Variants in APOL5 observed in about 807,000 individuals in gnomAD.
The protein encoded by APOL5 is apolipoprotein L, 5.
A neutral mutation model predicts 35.5 loss-of-function variants in APOL5; 29 were observed. That is an observed-to-expected ratio of 0.82 (90% CI 0.61 to 1.11). APOL5 has a LOEUF of 1.11. Among genes scored for constraint, APOL5 ranks in the 50% most tolerant of loss-of-function variants. APOL5 has a pLI of 0.00. For synonymous variants in APOL5, 188 were observed against 200.2 expected, an observed-to-expected ratio of 0.94 and a Z score of 0.51; for missense variants, 514 against 530.4, an observed-to-expected ratio of 0.97 and a Z score of 0.30.
In APOL5 at chr22:35,727,100, C is replaced by T; in HGVS notation, c.1032C>T (p.Thr344=). 2 of 1,611,132 alleles carry T rather than the reference C, an allele frequency of 1.2e-6. No individual in the cohort carries two copies. The highest frequency in any genetic ancestry group is 1.7e-6 in the Non-Finnish European group (2 of 1,179,994). The change falls in exon 3 of 5, where the codon ACC becomes ACT. Residue 344 remains threonine, a synonymous_variant. Transcript: ENST00000249044. ...KKLEQELDRL[T]QHHRHLPQKA... ...TGGAGCAGGAGCTGGACCGGCTCAC[C>T]CAGCACCACCGGCACCTGCCGCAGA... is the stretch of plus-strand genomic sequence containing the variant.
the APOL5 span, among the ~76,000 whole-genome samples, chr22:35,708,995 C>T: frequency 6.6e-6 from 1 of 152,250 alleles, no homozygotes; most frequent in Non-Finnish European, 1.5e-5. Flanking sequence ...AACACAAATG[C>T]GCTTCCCTTA....
upstream of APOL5, among the ~76,000 whole-genome samples, chr22:35,717,290 G>A (rs1464130310): frequency 3.6e-5 from 5 of 139,632 alleles, no homozygotes; most frequent in Admixed American, 2.2e-4. Context: ...TGTAGTCCCC[G>A]CCACTTGGGG....
intron 4 of APOL5, 103 bp downstream of exon 4, chr22:35,729,007 G>T: frequency 7.8e-7 from 1 of 1,280,586 alleles, no homozygotes; most frequent in Non-Finnish European, 1.0e-6. Context: ...AGGGCCTAAC[G>T]GGGACAGAGG....
At chr22:35,713,409 TG>T (rs900755770), upstream of APOL5, among the ~76,000 whole-genome samples, 5 of 152,200 alleles carry the variant, frequency 3.3e-5, no homozygotes, top group African/African-American at 1.2e-4. Context: ...ACCCTCTCTC[TG>T]GGGTAGCTTC....
intron 2 of APOL5, among the ~76,000 whole-genome samples, chr22:35,721,368 C>T (rs905555470): frequency 4.6e-5 from 7 of 151,926 alleles, no homozygotes; most frequent in East Asian, 1.9e-4. Flanking sequence ...CATGGTGAAA[C>T]GTCATTTCCA....
chr22:35,728,587 C>T (rs897371644), intron 3 of APOL5, 136 bp from the exon 4 acceptor site: 3 of 988,282 alleles, frequency 3.0e-6, no homozygotes, highest in Admixed American at 6.4e-5. Context: ...GGACCCACTG[C>T]CCTGGGGCGG....
At chr22:35,719,379 G>C (rs560375851) in intron 1 of APOL5, among the ~76,000 whole-genome samples, 1 of 152,118 alleles carries the variant, frequency 6.6e-6, no homozygotes, top group South Asian at 2.1e-4. Context: ...CCACCATCCC[G>C]CCCACGAGCC....
At chr22:35,726,156 C>G (rs754683699) in intron 2 of APOL5, 55 bp from the exon 3 acceptor site, 28 of 1,558,590 alleles carry the variant, frequency 1.8e-5, no homozygotes, top group Non-Finnish European at 2.3e-5. Context: ...CCTCGATTCT[C>G]AGGGCTCTGC....
chr22:35,727,156 G>C lies in APOL5; in HGVS notation c.1088G>C (p.Gly363Ala), dbSNP rs1318414467. Residue 363 changes from glycine (G) to alanine (A), a missense_variant, in exon 3 of 5, where the codon GGC becomes GCC. Physicochemically the swap from Gly to Ala is moderately conservative, Grantham distance 60 (BLOSUM62 0). Around this residue, in one of 3 missense-constraint regions of APOL5, gnomAD observed 238 missense variants for 229.1 expected, o/e 1.04. Transcript: ENST00000249044. ...KASQTCSSSRGRAVRGSRVVK... is the reference protein window; with the variant it reads ...KASQTCSSSRARAVRGSRVVK... Reference sequence around the variant, plus strand: ...AGCCAGACCTGTTCCAGCTCCCGGGGCAGGGCTGTTCGAGGATCCCGTGTG... The same window carrying C: ...AGCCAGACCTGTTCCAGCTCCCGGGCCAGGGCTGTTCGAGGATCCCGTGTG... 1.9e-6 allele frequency: 3 copies of C among 1,606,444 alleles called. No individual in the cohort carries two copies. Among genetic ancestry groups the C allele is most frequent in the Non-Finnish European group, 2.5e-6 (3 of 1,179,694 alleles).
upstream of APOL5, among the ~76,000 whole-genome samples, chr22:35,714,015 T>C (rs898123540): frequency 3.3e-5 from 5 of 152,114 alleles, no homozygotes; most frequent in African/African-American, 1.2e-4. Context: ...CAAGTCAGAA[T>C]ACAACATCTG....
upstream of APOL5, among the ~76,000 whole-genome samples, chr22:35,717,254 A>ATATG (rs1926784692): frequency 7.5e-6 from 1 of 133,902 alleles, no homozygotes. Flanking sequence ...ATATATATAT[A>ATATG]TTAGCTGGGT....
upstream of APOL5, among the ~76,000 whole-genome samples, chr22:35,716,847 A>G (rs1458432861): frequency 2.0e-5 from 3 of 152,158 alleles, no homozygotes; most frequent in African/African-American, 7.2e-5. Flanking sequence ...TTGTACATAG[A>G]TTTGCCTCGT....
chr22:35,726,161 C>T lies in APOL5; in HGVS notation c.143-50C>T, dbSNP rs746386050. The T allele has an allele frequency of 3.8e-6, 6 of 1,569,090 alleles. 1 individual carries two copies. The South Asian group carries it at 7.1e-5, about 18-fold the overall frequency. On this transcript the variant is annotated intron_variant, in intron 2 of 4. Coordinates refer to ENST00000249044, the MANE Select transcript of APOL5 (RefSeq NM_030642.1). ...CGACATTGTACCTCGATTCTCAGGG[C>T]TCTGCCTCCTGCACACATTTTAGTG...
chr22:35,708,427 G>GA, the APOL5 span, among the ~76,000 whole-genome samples: 101 of 129,106 alleles, frequency 7.8e-4, no homozygotes, highest in African/African-American at 8.3e-4. Flanking sequence ...TCAAAAAAAA[G>GA]AAAAAAAAAA....
chr22:35,715,615 G>A (rs955900762), upstream of APOL5, among the ~76,000 whole-genome samples: 5 of 152,232 alleles, frequency 3.3e-5, no homozygotes, highest in African/African-American at 1.2e-4. Context: ...CTGCACTCCA[G>A]CCTGAGCCAC....
intron 2 of APOL5, among the ~76,000 whole-genome samples, chr22:35,722,503 G>A (rs897256868): frequency 4.6e-5 from 7 of 152,174 alleles, no homozygotes; most frequent in East Asian, 1.9e-4. Flanking sequence ...GTTTCACCAC[G>A]TTGGCCAGGC....
chr22:35,715,507 G>C (rs191212485), upstream of APOL5, among the ~76,000 whole-genome samples: 1 of 152,232 alleles, frequency 6.6e-6, no homozygotes, highest in Admixed American at 6.5e-5. Flanking sequence ...TTAGCTGGGC[G>C]TGGTGGTGCA....
the APOL5 span, among the ~76,000 whole-genome samples, chr22:35,709,347 G>C: frequency 6.7e-6 from 1 of 149,072 alleles, no homozygotes; most frequent in East Asian, 2.1e-4. Context: ...TCATACTAAG[G>C]TATAAAACAC....
chr22:35,720,631 G>A lies in APOL5; in HGVS notation c.119G>A (p.Gly40Glu). Residue 40 changes from glycine to glutamate, a missense_variant, in exon 2 of 5, where the codon GGG (glycine) becomes GAG (glutamate). This residue lies in a region of APOL5 where 254 missense variants were observed against 254.7 expected (regional missense o/e 1.00). Coordinates refer to ENST00000249044, the MANE Select transcript of APOL5 (RefSeq NM_030642.1). ...GTAATCTACGGAGGTGAGGTCTGGG[G>A]GAAGTCCCCAGAACCTGAGTTCCGT... ...RKVIYGGEVW[G>E]KSPEPEFPSL... 1.2e-6 allele frequency: 2 copies of A among 1,613,892 alleles called. No homozygotes were observed. The highest frequency in any genetic ancestry group is 1.7e-6 in the Non-Finnish European group (2 of 1,179,876).
Sources: allele counts gnomAD v4.1 joint callset (sites outside exome capture counted in the v4.1 genomes callset), GRCh38; gene constraint gnomAD v4.1.1; regional missense constraint gnomAD v4.1.1; transcripts MANE v1.5; gene names NCBI Gene and HGNC (gene_info 2026-07-23, HGNC 2026-07-21).